SNX30: variants seen among roughly 807,000 people sequenced by gnomAD.
The protein encoded by SNX30 is sorting nexin-30.
Under a neutral mutation model 46.4 loss-of-function variants are expected in SNX30, and 24 were observed. The ratio of observed to expected loss-of-function variants is 0.52; its 90% CI spans 0.37 to 0.73. The LOEUF (loss-of-function observed/expected upper bound fraction) is 0.73, where lower values mean the gene tolerates loss of function less well. Ranked by LOEUF, SNX30 falls within the 30% of genes least tolerant of loss-of-function variation. The pLI, the probability that SNX30 is intolerant of heterozygous loss-of-function variation, is 0.00. For synonymous variants in SNX30, 189 were observed against 211.5 expected (o/e 0.89, Z 0.92); for missense variants, 533 against 555.7 (o/e 0.96, Z 0.41).
intron 1 of SNX30, among the ~76,000 whole-genome samples, chr9:112,798,123 T>G (rs1321851134): frequency 2.4e-4 from 1 of 4,238 alleles, no homozygotes; most frequent in African/African-American, 4.0e-4. Flanking sequence ...TTTTTTTTCT[T>G]TTTTTTTTTT....
intron 5 of SNX30, 66 bp downstream of exon 5, chr9:112,836,475 T>C: frequency 6.7e-7 from 1 of 1,501,474 alleles, no homozygotes; most frequent in Non-Finnish European, 9.1e-7. Flanking sequence ...CATTCATGTG[T>C]GCTACAGAGA....
At chr9:112,765,526 T>C (rs1369575291) in intron 1 of SNX30, among the ~76,000 whole-genome samples, 4 of 152,204 alleles carry the variant, frequency 2.6e-5, no homozygotes, top group African/African-American at 9.7e-5. Context: ...GGACATTTCA[T>C]ATAAATGGAA....
At chr9:112,816,772 A>G (rs762394748) in intron 2 of SNX30, among the ~76,000 whole-genome samples, 1 of 152,132 alleles carries the variant, frequency 6.6e-6, no homozygotes, top group Non-Finnish European at 1.5e-5. Flanking sequence ...AGCTTGACCC[A>G]TTTTTATCTT....
At position 112,822,717 on chromosome 9, in the gene SNX30, C is replaced by A. The variant is rs564675162; in HGVS notation, c.459+4902C>A. ...AGTTACCTGTAGACCAAAAATATGA[C>A]ATGGAAAATTCCAAAAATAAACAGT... On this transcript the variant is annotated intron_variant, in intron 3 of 8. Transcript: ENST00000374232. Among the ~76,000 whole-genome samples, 43 of 152,270 alleles carry A rather than the reference C, an allele frequency of 2.8e-4. No individual in the cohort carries two copies. The East Asian group carries it at 6.6e-3, about 23-fold the overall frequency.
intron 1 of SNX30, among the ~76,000 whole-genome samples, chr9:112,767,765 A>T (rs117887147): frequency 0.071 from 10,671 of 151,078 alleles, 458 homozygotes; most frequent in Non-Finnish European, 0.1. Context: ...AATTTTTTTT[A>T]TTTATTTATT....
intron 2 of SNX30, among the ~76,000 whole-genome samples, chr9:112,817,401 C>CTTTTTTTTTTT (rs56856142): frequency 0.024 from 1,105 of 46,836 alleles, 290 homozygotes; most frequent in African/African-American, 0.044. Context: ...AAAAAACTGG[C>CTTTTTTTTTTT]TTTTTTTTTT....
At chr9:112,824,971 G>A (rs1840560160) in intron 3 of SNX30, among the ~76,000 whole-genome samples, 2 of 152,194 alleles carry the variant, frequency 1.3e-5, no homozygotes, top group African/African-American at 2.4e-5. Context: ...AAGAAACTTT[G>A]TACCCATTAA....
At chr9:112,757,713 T>C (rs1839372886) in intron 1 of SNX30, among the ~76,000 whole-genome samples, 1 of 152,178 alleles carries the variant, frequency 6.6e-6, no homozygotes, top group African/African-American at 2.4e-5. Flanking sequence ...CAACTGACTA[T>C]ACCTGTTCTG....
intron 6 of SNX30, among the ~76,000 whole-genome samples, chr9:112,849,869 G>A (rs1840996762): frequency 6.6e-6 from 1 of 152,210 alleles, no homozygotes; most frequent in Non-Finnish European, 1.5e-5. Flanking sequence ...TTTCTTTTGA[G>A]TTAGTGGAAA....
downstream of SNX30, chr9:112,874,990 TG>T (rs1304652964): frequency 6.6e-6 from 1 of 152,238 alleles, no homozygotes; most frequent in Admixed American, 6.5e-5. Flanking sequence ...TTTCTTTATC[TG>T]GAGTCATGTC....
intron 6 of SNX30, among the ~76,000 whole-genome samples, chr9:112,839,309 G>C (rs1010821304): frequency 1.3e-5 from 2 of 152,174 alleles, no homozygotes; most frequent in African/African-American, 2.4e-5. Context: ...CCCAGCAAAA[G>C]GATTGAAAAG....
chr9:112,797,643 T>C (rs1803481197), intron 1 of SNX30, among the ~76,000 whole-genome samples: 1 of 151,854 alleles, frequency 6.6e-6, no homozygotes. Context: ...TTAATGGAAT[T>C]GGTTGATCTC....
intron 3 of SNX30, among the ~76,000 whole-genome samples, chr9:112,829,503 A>G (rs1200452209): frequency 6.6e-6 from 1 of 152,202 alleles, no homozygotes; most frequent in Non-Finnish European, 1.5e-5. Flanking sequence ...GCTGGTCTCG[A>G]ACTCCTGAGT....
intron 8 of SNX30, among the ~76,000 whole-genome samples, chr9:112,865,657 A>ATGTGTGTGTGTGTGTGTGTG (rs1399648106): frequency 2.5e-5 from 2 of 81,416 alleles, no homozygotes; most frequent in Admixed American, 1.2e-4. Context: ...ATATATATAT[A>ATGTGTGTGTGTGTGTGTGTG]TATATGTATG....
At chr9:112,814,771 A>G (rs1332166701) in intron 2 of SNX30, among the ~76,000 whole-genome samples, 1 of 152,230 alleles carries the variant, frequency 6.6e-6, no homozygotes, top group Non-Finnish European at 1.5e-5. Context: ...GTCAATTAAA[A>G]AGTATATGTA....
chr9:112,852,130 T>C (rs1178236391), intron 7 of SNX30, among the ~76,000 whole-genome samples: 1 of 151,936 alleles, frequency 6.6e-6, no homozygotes, highest in Non-Finnish European at 1.5e-5. Context: ...AGGCCTCCTC[T>C]TACTGGGGAG....
Position 112,751,115 on chromosome 9 carries a change from G to A in SNX30, c.114G>A (p.Thr38=). 6.6e-7 allele frequency: 1 copy of A among 1,519,048 alleles called. No homozygotes were observed. Among genetic ancestry groups the A allele is most frequent in the Non-Finnish European group, 8.8e-7 (1 of 1,142,278 alleles). The allele number at this position is 1,519,048 out of a possible 1,614,324, so 94.1% of individuals were successfully genotyped here. The part of the protein sequence containing the change: ...SSEEAVGGDS[T]PSPDLLMARS... ...AGGAGGCCGTGGGTGGTGACAGCAC[G>A]CCCAGCCCGGACCTGCTGATGGCCC... The change falls in exon 1 of 9, where the codon ACG becomes ACA. Residue 38 remains threonine, a synonymous_variant. Transcript: ENST00000374232.
intron 4 of SNX30, among the ~76,000 whole-genome samples, chr9:112,834,882 A>ACACACACAC (rs56385707): frequency 2.9e-5 from 3 of 105,252 alleles, no homozygotes; most frequent in African/African-American, 5.9e-5. Flanking sequence ...ACACACACAC[A>ACACACACAC]CCTACCTCAA....
rs553140583 is a variant in SNX30, at chr9:112,796,678, CGTAG to C, written c.157-8094_157-8091del. On this transcript the variant is annotated intron_variant, in intron 1 of 8. Transcript: ENST00000374232. The stretch of plus-strand genomic sequence containing the variant: ...AGTAATTACAGTTTTTTTGATATTG[CGTAG>C]GTATGTGATTAAATGATCTGTGGTC... 1.2e-3 allele frequency among the ~76,000 whole-genome samples: 184 copies of C among 152,120 alleles called. 1 individual carries two copies. The highest frequency in any genetic ancestry group is 4.3e-3 in the African/African-American group (177 of 41,482).
Sources: gnomAD v4.1 joint callset for allele counts (sites outside exome capture counted in the v4.1 genomes callset) on GRCh38, gnomAD v4.1.1 for gene constraint, MANE v1.5 for transcripts, NCBI Gene and HGNC (gene_info 2026-07-23, HGNC 2026-07-21) for gene names.